The following ACP6 variants were observed in gnomAD, a reference collection of about 807,000 sequenced individuals.
ACP6 encodes acid phosphatase 6, lysophosphatidic, also known as lysophosphatidic acid phosphatase type 6.
A neutral mutation model predicts 48.1 loss-of-function variants in ACP6; 48 were observed. The observed-to-expected ratio is 1.00, with a 90% confidence interval of 0.79 to 1.27. The LOEUF (loss-of-function observed/expected upper bound fraction) is 1.27, where lower values mean the gene tolerates loss of function less well. Ranked by LOEUF, ACP6 falls within the 50% of genes most tolerant of loss-of-function variation. The pLI, the probability that ACP6 is intolerant of heterozygous loss-of-function variation, is 0.00. For synonymous variants in ACP6, 172 were observed against 204.2 expected (o/e 0.84, Z 1.34); for missense variants, 485 against 529.1 (o/e 0.92, Z 0.82).
At chr1:147,639,916 A>G (rs1659405450), downstream of ACP6, among the ~76,000 whole-genome samples, 1 of 151,880 alleles carries the variant, frequency 6.6e-6, no homozygotes, top group Admixed American at 6.6e-5. Context: ...CTCCCGGCAC[A>G]CTCCCTTTAC....
chr1:147,639,356 C>T (rs1553208375), downstream of ACP6, among the ~76,000 whole-genome samples: 2 of 152,216 alleles, frequency 1.3e-5, no homozygotes, highest in African/African-American at 2.4e-5. Context: ...CAACCTTTCC[C>T]CTTCCTGATC....
intron 8 of ACP6, 32 bp downstream of exon 8, chr1:147,650,111 G>A (rs782600262): frequency 6.3e-7 from 1 of 1,584,398 alleles, no homozygotes. Flanking sequence ...ACGGCCCTTA[G>A]CTGCACAAAG....
chr1:147,638,552 C>G (rs775734654), downstream of ACP6, among the ~76,000 whole-genome samples: 12 of 152,142 alleles, frequency 7.9e-5, no homozygotes, highest in Non-Finnish European at 1.3e-4. Context: ...CAGCCAACTC[C>G]TTGAGATCTA....
Position 147,657,483 on chromosome 1 carries a change from C to T in ACP6, c.559+1477G>A, listed in dbSNP as rs587720049. 3.3e-5 allele frequency among the ~76,000 whole-genome samples: 5 copies of T among 152,164 alleles called. No individual in the cohort carries two copies. In the East Asian group the frequency reaches 5.8e-4, roughly 18 times the overall value. On this transcript the variant is annotated intron_variant, in intron 4 of 9. Coordinates refer to ENST00000583509, the MANE Select transcript of ACP6 (RefSeq NM_016361.5). ...TCACCCAGGCTGGAGTGCAGTGGTG[C>T]GATCTCGGCTCACTGCAACCTCCGC... is the stretch of plus-strand genomic sequence containing the variant.
downstream of ACP6, among the ~76,000 whole-genome samples, chr1:147,640,079 C>G (rs1332806314): frequency 6.6e-6 from 1 of 152,118 alleles, no homozygotes; most frequent in Non-Finnish European, 1.5e-5. Flanking sequence ...GATGCAGGTT[C>G]AAAACTTGTA....
intron 8 of ACP6, 93 bp from the exon 9 acceptor site, chr1:147,648,504 C>T: frequency 6.9e-7 from 1 of 1,440,156 alleles, no homozygotes. Context: ...ACACTTGCCT[C>T]AGAAACTAGG....
chr1:147,650,988 A>G (rs1659888648), intron 7 of ACP6: 1 of 152,170 alleles, frequency 6.6e-6, no homozygotes, highest in South Asian at 2.1e-4. Flanking sequence ...CTTTTTATCA[A>G]AGAGAAAAAA....
rs1158867679 is a variant in ACP6 at position 147,644,302 on chromosome 1, C to T, written c.*3121G>A. ...AATATACGCAATTATTATCTGTCAA[C>T]TAAAAAGAAAGTAAAAAGTTTTTAT... On this transcript the variant is annotated 3_prime_UTR_variant, in exon 10 of 10. Transcript: ENST00000583509. 6.6e-6 allele frequency: 1 copy of T among 152,114 alleles called. No homozygotes were observed. The highest frequency in any genetic ancestry group is 1.5e-5 in the Non-Finnish European group (1 of 68,028). The allele number at this position is 152,114 out of a possible 1,614,324, so 9.4% of individuals were successfully genotyped here.
At position 147,659,395 on chromosome 1, in the gene ACP6, C is replaced by T; in HGVS notation, c.479+1G>A. On this transcript the variant is annotated splice_donor_variant, in intron 3 of 9. Coordinates refer to ENST00000583509, the MANE Select transcript of ACP6 (RefSeq NM_016361.5). LOFTEE classifies it high-confidence loss of function. ...GCAACATCCCCTTTCAAGTGACTCA[C>T]AAGACCTCCTGTGGGTTGAAGGTTG... The T allele has an allele frequency of 1.2e-6, 2 of 1,613,750 alleles. No homozygotes were observed. Among genetic ancestry groups the T allele is most frequent in the Non-Finnish European group, 1.7e-6 (2 of 1,179,778 alleles).
chr1:147,637,189 G>A (rs1043930741), intron 5 of ACP6, among the ~76,000 whole-genome samples: 11 of 152,314 alleles, frequency 7.2e-5, no homozygotes, highest in Non-Finnish European at 5.9e-5. Flanking sequence ...ACTGTTCACA[G>A]AGAATGAAGG....
chr1:147,642,266 A>G lies in ACP6; in HGVS notation c.*5157T>C, dbSNP rs140320565. 46 of 152,304 alleles carry G rather than the reference A, an allele frequency of 3.0e-4. No individual in the cohort carries two copies. The highest frequency in any genetic ancestry group is 8.9e-4 in the African/African-American group (37 of 41,566). The allele number at this position is 152,304 out of a possible 1,614,324, so 9.4% of individuals were successfully genotyped here. On this transcript the variant is annotated 3_prime_UTR_variant, in exon 10 of 10. Transcript: ENST00000583509. ...TTCTGAACTCATTTATTCATTCGGTAAATCTTTGCTGAGGTCCACTTTGTA... is the reference window on the plus strand; with the variant it reads ...TTCTGAACTCATTTATTCATTCGGTGAATCTTTGCTGAGGTCCACTTTGTA...
At chr1:147,667,929 G>T (rs1392325389) in intron 1 of ACP6, among the ~76,000 whole-genome samples, 1 of 151,958 alleles carries the variant, frequency 6.6e-6, no homozygotes, top group Admixed American at 6.6e-5. Flanking sequence ...GGCGGAGGTT[G>T]CGGTGAGCCG....
intron 1 of ACP6, among the ~76,000 whole-genome samples, chr1:147,665,329 T>C (rs1453961803): frequency 1.3e-5 from 2 of 152,120 alleles, no homozygotes; most frequent in African/African-American, 2.4e-5. Context: ...CAGTTAACAA[T>C]AGAGGAGGTA....
intron 5 of ACP6, among the ~76,000 whole-genome samples, chr1:147,636,862 G>C (rs904620843): frequency 6.6e-6 from 1 of 152,212 alleles, no homozygotes; most frequent in Non-Finnish European, 1.5e-5. Flanking sequence ...GGGACACCCA[G>C]GGACCCCTCT....
At position 147,670,354 on chromosome 1, in the gene ACP6, G is replaced by A. The variant is rs1385991175; in HGVS notation, c.-306C>T. 4 of 289,514 alleles carry A rather than the reference G, an allele frequency of 1.4e-5. No homozygotes were observed. The highest frequency in any genetic ancestry group is 4.3e-5 in the African/African-American group (2 of 46,296). 17.9% of individuals were successfully genotyped at this position (289,514 alleles called of 1,614,324 possible). On this transcript the variant is annotated 5_prime_UTR_variant, in exon 1 of 10. Transcript: ENST00000583509. ...CGGATCCTTATCTTTTGCCCGACGA[G>A]GAACATTAAACTTGTATTTCAAGTT...
intron 1 of ACP6, among the ~76,000 whole-genome samples, chr1:147,662,592 G>A (rs782353371): frequency 8.5e-5 from 13 of 152,216 alleles, no homozygotes; most frequent in Non-Finnish European, 1.9e-4. Flanking sequence ...CTTAAGTTCT[G>A]ACTGAATTGC....
Position 147,669,969 on chromosome 1 carries a change from C to A in ACP6, c.80G>T (p.Arg27Leu). The A allele has an allele frequency of 6.5e-7, 1 of 1,550,364 alleles. No individual in the cohort carries two copies. Among genetic ancestry groups the A allele is most frequent in the Non-Finnish European group, 8.7e-7 (1 of 1,147,192 alleles). The change falls in exon 1 of 10, where the codon CGG becomes CTG. Residue 27 changes from arginine (R) to leucine (L), a missense_variant. Coordinates refer to ENST00000583509, the MANE Select transcript of ACP6 (RefSeq NM_016361.5). Reference sequence around the variant, plus strand: ...CTGCAGCTCGGCCAGGGCCACCCGCCGCTGGTGCAGGCAGTACGCCAGCGA... The same window carrying A: ...CTGCAGCTCGGCCAGGGCCACCCGCAGCTGGTGCAGGCAGTACGCCAGCGA... ...LTSLAYCLHQ[R>L]RVALAELQEA... is the part of the protein sequence containing the mutation.
chr1:147,668,899 A>G (rs1293309345), intron 1 of ACP6, among the ~76,000 whole-genome samples: 1 of 152,222 alleles, frequency 6.6e-6, no homozygotes, highest in African/African-American at 2.4e-5. Context: ...CTAGAAAGCA[A>G]CTGTTATTAT....
intron 5 of ACP6, among the ~76,000 whole-genome samples, chr1:147,633,256 C>T (rs1659216674): frequency 6.6e-6 from 1 of 152,134 alleles, no homozygotes; most frequent in Non-Finnish European, 1.5e-5. Context: ...TAGTTGAAAA[C>T]AGTTATTACT....
Sources: allele counts gnomAD v4.1 joint callset (sites outside exome capture counted in the v4.1 genomes callset), GRCh38; gene constraint gnomAD v4.1.1; transcripts MANE v1.5; gene names NCBI Gene and HGNC (gene_info 2026-07-23, HGNC 2026-07-21).